TECR: variants seen among roughly 807,000 people sequenced by gnomAD.
The protein encoded by TECR is trans-2,3-enoyl-CoA reductase.
A neutral mutation model predicts 50.6 loss-of-function variants in TECR; 19 were observed. The observed-to-expected ratio is 0.38, with a 90% CI of 0.26 to 0.55. TECR has a LOEUF of 0.55. TECR is among the 20% of genes least tolerant of loss of function. The pLI is 0.79. For missense variants in TECR, 313 were observed against 408.3 expected, an observed-to-expected ratio of 0.77 and a Z score of 2.01; for synonymous variants, 168 against 163.5, an observed-to-expected ratio of 1.03 and a Z score of -0.21.
chr19:14,558,850 A>G (rs1198805792), intron 1 of TECR, among the ~76,000 whole-genome samples: 1 of 152,170 alleles, frequency 6.6e-6, no homozygotes, highest in Admixed American at 6.5e-5. Flanking sequence ...AGATGGGGCC[A>G]GAGCCTGCCA....
intron 1 of TECR, among the ~76,000 whole-genome samples, chr19:14,541,192 G>T (rs1475002683): frequency 6.6e-6 from 1 of 152,152 alleles, no homozygotes; most frequent in Admixed American, 6.6e-5. Flanking sequence ...TGCCCAGGCT[G>T]GTCTTGAACT....
intron 1 of TECR, among the ~76,000 whole-genome samples, chr19:14,556,327 T>C (rs1321292231): frequency 4.0e-5 from 6 of 151,512 alleles, no homozygotes; most frequent in Non-Finnish European, 7.4e-5. Flanking sequence ...CTGACCACTC[T>C]CAAATGGCCA....
chr19:14,529,579 C>T (rs2146541657), upstream of TECR: 1 of 1,505,854 alleles, frequency 6.6e-7, no homozygotes, highest in East Asian at 2.3e-5. Context: ...AGGGGCGGGG[C>T]GGACGCAGAG....
intron 1 of TECR, among the ~76,000 whole-genome samples, chr19:14,551,491 T>C (rs1301854160): frequency 6.6e-6 from 1 of 152,102 alleles, no homozygotes; most frequent in African/African-American, 2.4e-5. Flanking sequence ...CATTTACTAG[T>C]TGGAGAAGCA....
Position 14,565,100 on chromosome 19 carries a change from C to T in TECR, c.641C>T (p.Ala214Val), listed in dbSNP as rs1385061666. Residue 214 changes from alanine to valine, a missense_variant, in exon 10 of 13, where the codon GCC becomes GTC. Physicochemically the swap from Ala to Val is moderately conservative, Grantham distance 64. Coordinates refer to ENST00000215567, the MANE Select transcript of TECR (RefSeq NM_138501.6). Reference sequence around the variant, plus strand: ...CTCGGCAACTTCTCCATCCACATGGCCCTGCGGGACCTGCGGCCCGCTGGT... The same window carrying T: ...CTCGGCAACTTCTCCATCCACATGGTCCTGCGGGACCTGCGGCCCGCTGGT... ...CQLGNFSIHM[A>V]LRDLRPAGSK... 1.2e-6 allele frequency: 2 copies of T among 1,613,778 alleles called. No homozygotes were observed. The highest frequency in any genetic ancestry group is 1.3e-5 in the African/African-American group (1 of 74,948).
chr19:14,561,404 G>A (rs2073897331), intron 1 of TECR, among the ~76,000 whole-genome samples: 1 of 152,150 alleles, frequency 6.6e-6, no homozygotes, highest in Admixed American at 6.5e-5. Context: ...TGCATAGGGT[G>A]GGTCAGATCC....
chr19:14,539,890 T>G (rs1382088461), intron 1 of TECR, among the ~76,000 whole-genome samples: 1 of 151,370 alleles, frequency 6.6e-6, no homozygotes, highest in Non-Finnish European at 1.5e-5. Context: ...CTTTTTTTTT[T>G]TTTTTCTGAG....
chr19:14,549,935 T>G (rs1187671997), intron 1 of TECR, among the ~76,000 whole-genome samples: 1 of 151,294 alleles, frequency 6.6e-6, no homozygotes, highest in East Asian at 1.9e-4. Context: ...ACAGTGAGAC[T>G]CTGTCTCAAA....
intron 1 of TECR, among the ~76,000 whole-genome samples, chr19:14,554,886 C>G (rs1649456525): frequency 6.6e-6 from 1 of 151,974 alleles, no homozygotes; most frequent in South Asian, 2.1e-4. Flanking sequence ...TCAATCGATT[C>G]TCTTGCCTCA....
At position 14,563,110 on chromosome 19, in the gene TECR, A is replaced by T; in HGVS notation, c.67-96A>T. The T allele has an allele frequency of 6.6e-7, 1 of 1,525,740 alleles. No individual in the cohort carries two copies. Among genetic ancestry groups the T allele is most frequent in the Non-Finnish European group, 9.0e-7 (1 of 1,108,834 alleles). 94.5% of individuals were successfully genotyped at this position (1,525,740 alleles called of 1,614,324 possible). On this transcript the variant is annotated intron_variant, in intron 2 of 12. Coordinates refer to ENST00000215567, the MANE Select transcript of TECR (RefSeq NM_138501.6). The surrounding 1 kb of genome is among the most constrained non-coding windows in gnomAD (Gnocchi z 5.3). ...AGCCCTTCCCCCTTCCCATAGCTAC[A>T]GCCCAACCCCCAGCCTGCCATCCCC...
In TECR at chr19:14,562,508, C is replaced by T; in HGVS notation, c.16-17C>T. The T allele has an allele frequency of 6.2e-7, 1 of 1,614,218 alleles. No individual in the cohort carries two copies. The highest frequency in any genetic ancestry group is 8.5e-7 in the Non-Finnish European group (1 of 1,180,028). On this transcript the variant is annotated splice_polypyrimidine_tract_variant and intron_variant, in intron 1 of 12. Transcript: ENST00000215567. The stretch of plus-strand genomic sequence containing the variant: ...AAGGTGGCCAAGAAACCTAAAAAGG[C>T]TGTTCTCTTCTTCGAGGTGGAGATT...
At chr19:14,543,575 A>G (rs1432377880) in intron 1 of TECR, among the ~76,000 whole-genome samples, 1 of 146,414 alleles carries the variant, frequency 6.8e-6, no homozygotes, top group Admixed American at 6.9e-5. Flanking sequence ...AGTAGCTGGG[A>G]CTACAGGCGC....
intron 1 of TECR, among the ~76,000 whole-genome samples, chr19:14,558,236 C>G (rs2073797700): frequency 6.6e-6 from 1 of 152,170 alleles, no homozygotes; most frequent in Non-Finnish European, 1.5e-5. Flanking sequence ...GTTCACCCAC[C>G]AGGCGGGCGG....
chr19:14,544,109 A>G (rs549178247), intron 1 of TECR, among the ~76,000 whole-genome samples: 66 of 152,036 alleles, frequency 4.3e-4, no homozygotes, highest in African/African-American at 1.4e-3. Flanking sequence ...GAGAATCCCT[A>G]TCCAAATACT....
chr19:14,535,670 G>A (rs1192688435), intron 1 of TECR, among the ~76,000 whole-genome samples: 3 of 131,604 alleles, frequency 2.3e-5, no homozygotes, highest in Admixed American at 8.4e-5. Flanking sequence ...AGGAGAATTC[G>A]TTTGAACCTG....
intron 1 of TECR, 113 bp downstream of exon 1, chr19:14,529,824 C>G: frequency 2.0e-6 from 3 of 1,495,762 alleles, no homozygotes; most frequent in Non-Finnish European, 2.8e-6. Flanking sequence ...AAGAGCCAGA[C>G]GGCGCAGGCG....
chr19:14,558,440 G>A (rs10403978), intron 1 of TECR, among the ~76,000 whole-genome samples: 4,337 of 152,284 alleles, frequency 0.028, 208 homozygotes, highest in African/African-American at 0.098. Context: ...ACGCCGCACC[G>A]TGTGTCCTGG....
At chr19:14,564,134 A>C in intron 6 of TECR, 37 bp downstream of exon 6, 1 of 1,607,034 alleles carries the variant, frequency 6.2e-7, no homozygotes, top group Non-Finnish European at 8.5e-7. Flanking sequence ...AGGGGAAGGC[A>C]GAAGACCTGC....
chr19:14,564,028 T>G lies in TECR; in HGVS notation c.314T>G (p.Phe105Cys). ...YAGPLFIYLL[F>C]YFRVPFIYGH... Reference sequence around the variant, plus strand: ...GGGCCCCTTTTCATCTACCTGCTCTTCTACTTCCGAGTGCCCTTCATCTAT... The same window carrying G: ...GGGCCCCTTTTCATCTACCTGCTCTGCTACTTCCGAGTGCCCTTCATCTAT... Residue 105 changes from phenylalanine to cysteine, a missense_variant, in exon 6 of 13, where the codon TTC becomes TGC. Transcript: ENST00000215567. 3 of 1,613,986 alleles carry G rather than the reference T, an allele frequency of 1.9e-6. No homozygotes were observed. The highest frequency in any genetic ancestry group is 1.7e-6 in the Non-Finnish European group (2 of 1,179,964).
Sources: allele counts gnomAD v4.1 joint callset (sites outside exome capture counted in the v4.1 genomes callset), GRCh38; gene constraint gnomAD v4.1.1; non-coding constraint Gnocchi (gnomAD v3.1); transcripts MANE v1.5; gene names NCBI Gene and HGNC (gene_info 2026-07-23, HGNC 2026-07-21).